KDM6A: variants seen among roughly 807,000 people sequenced by gnomAD.
KDM6A encodes lysine demethylase 6A, also known as lysine-specific demethylase 6A.
A neutral mutation model predicts 117.6 loss-of-function variants in KDM6A; 11 were observed. The ratio of observed to expected loss-of-function variants is 0.09; its 90% CI spans 0.06 to 0.15. KDM6A has a LOEUF of 0.15. KDM6A is among the 10% of genes least tolerant of loss of function. The probability of loss-of-function intolerance (pLI) is 1.00; values close to 1 mark genes in which losing one functional copy is unlikely to be tolerated. For synonymous variants in KDM6A, 384 were observed against 396.1 expected, an observed-to-expected ratio of 0.97 and a Z score of 0.36; for missense variants, 799 against 1,077.3, an observed-to-expected ratio of 0.74 and a Z score of 3.62.
At chrX:44,958,604 CTTTTTTTTTTTTT>C (rs34006049) in intron 2 of KDM6A, among the ~76,000 whole-genome samples, 6 of 56,441 alleles carry the variant, frequency 1.1e-4, no homozygotes, top group Non-Finnish European at 1.4e-4. Flanking sequence ...CTATATAGAC[CTTTTTTTTTTTTT>C]TTTTTTTTTT....
chrX:45,091,179 T>G (rs752075115), intron 27 of KDM6A, among the ~76,000 whole-genome samples: 19 of 111,392 alleles, frequency 1.7e-4, no homozygotes, highest in Non-Finnish European at 3.4e-4. Context: ...ATTAATAACT[T>G]GAGGGGAAAA....
At chrX:44,925,464 G>T (rs770667924) in intron 2 of KDM6A, among the ~76,000 whole-genome samples, 9 of 111,591 alleles carry the variant, frequency 8.1e-5, no homozygotes, top group Admixed American at 5.8e-4. Flanking sequence ...ATGTGGCTGG[G>T]TAAATCTGGT....
rs184629243 is a variant in KDM6A at position 45,044,657 on chromosome X, T to A, written c.654+6968T>A. On this transcript the variant is annotated intron_variant, in intron 8 of 29. Coordinates refer to ENST00000611820, the MANE Select transcript of KDM6A (RefSeq NM_001291415.2). ...TATTCAAATGATAGCCAATAATGTA[T>A]GTTCTCTTCTGACCTTGCTTTAAAT... 9.8e-5 allele frequency among the ~76,000 whole-genome samples: 11 copies of A among 112,033 alleles called. No homozygotes were observed. The East Asian group carries it at 3.1e-3, about 31-fold the overall frequency.
chrX:44,925,276 A>G (rs1244231647), intron 2 of KDM6A, among the ~76,000 whole-genome samples: 1 of 111,332 alleles, frequency 9.0e-6, no homozygotes, highest in African/African-American at 3.3e-5. Context: ...TCTGGGAAAC[A>G]GCACTTCTGC....
chrX:45,022,220 C>T lies in KDM6A; in HGVS notation c.564+1490C>T, dbSNP rs759800835. ...CAAAATTCCATTTAAATGAAAGTGGCGATATTTAAAATCTCCTTTAATCAA... is the reference window on the plus strand; with the variant it reads ...CAAAATTCCATTTAAATGAAAGTGGTGATATTTAAAATCTCCTTTAATCAA... On this transcript the variant is annotated intron_variant, in intron 6 of 29. Transcript: ENST00000611820. Among the ~76,000 whole-genome samples, 8 of 111,917 alleles carry T rather than the reference C, an allele frequency of 7.1e-5. No homozygotes were observed. The South Asian group carries it at 1.5e-3, about 21-fold the overall frequency.
At chrX:45,048,177 A>C (rs1010242051) in intron 8 of KDM6A, among the ~76,000 whole-genome samples, 3 of 108,213 alleles carry the variant, frequency 2.8e-5, no homozygotes, top group Admixed American at 2.0e-4. Context: ...AAAAAAAAAA[A>C]AAACTACAAA....
At chrX:45,001,392 C>G (rs1421095472) in intron 4 of KDM6A, among the ~76,000 whole-genome samples, 3 of 111,682 alleles carry the variant, frequency 2.7e-5, no homozygotes, top group African/African-American at 9.8e-5. Context: ...TTCTTTAGTG[C>G]TCCACAGAAT....
In KDM6A at chrX:45,051,757, G is replaced by C; in HGVS notation, c.703G>C (p.Glu235Gln). 5 of 1,191,949 alleles carry C rather than the reference G, an allele frequency of 4.2e-6. No individual in the cohort carries two copies. The highest frequency in any genetic ancestry group is 5.7e-6 in the Non-Finnish European group (5 of 879,190). ...KEAYEQLLQT[E>Q]NLSAQVKATV... Reference sequence around the variant, plus strand: ...AGCTTATGAACAACTTTTGCAGACAGAGAATCTTTCTGCACAAGTAAAAGC... The same window carrying C: ...AGCTTATGAACAACTTTTGCAGACACAGAATCTTTCTGCACAAGTAAAAGC... The change falls in exon 9 of 30, where the codon GAG (glutamate) becomes CAG (glutamine). Residue 235 changes from glutamate to glutamine, a missense_variant. This residue lies in a region of KDM6A where 63 missense variants were observed against 68.2 expected (regional missense o/e 0.92). Transcript: ENST00000611820.
chrX:45,087,467 C>T (rs547446766), intron 25 of KDM6A, among the ~76,000 whole-genome samples: 1 of 112,517 alleles, frequency 8.9e-6, no homozygotes, highest in African/African-American at 3.2e-5. Context: ...TGGTTTCCTT[C>T]AATGTAAGAA....
intron 5 of KDM6A, among the ~76,000 whole-genome samples, chrX:45,011,854 C>A (rs1043624081): frequency 9.2e-6 from 1 of 108,775 alleles, no homozygotes; most frequent in African/African-American, 3.4e-5. Context: ...GGCGAGATTG[C>A]AGCTTACTGC....
chrX:45,076,947 A>T, intron 19 of KDM6A, 121 bp downstream of exon 19: 2 of 565,695 alleles, frequency 3.5e-6, no homozygotes, highest in Non-Finnish European at 2.8e-6. Context: ...AGCAGATTAA[A>T]TAGTTTGGGG....
intron 2 of KDM6A, 116 bp from the exon 3 acceptor site, chrX:44,961,168 A>G (rs900351523): frequency 6.0e-6 from 3 of 496,492 alleles, no homozygotes; most frequent in Non-Finnish European, 1.0e-5. Flanking sequence ...TAGAAGTGAA[A>G]TTTTCAATAT....
At chrX:44,977,478 C>CA (rs2147278629) in intron 4 of KDM6A, among the ~76,000 whole-genome samples, 1 of 111,100 alleles carries the variant, frequency 9.0e-6, no homozygotes, top group African/African-American at 3.3e-5. Flanking sequence ...AGGCTGGTCT[C>CA]AAACTCAATC....
Position 45,006,687 on chromosome X carries a change from C to T in KDM6A, c.385-4274C>T, listed in dbSNP as rs146875555. Among the ~76,000 whole-genome samples the T allele has an allele frequency of 6.7e-3, 730 of 108,945 alleles. 5 individuals carry two copies. Among genetic ancestry groups the T allele is most frequent in the African/African-American group, 0.023 (646 of 28,701 alleles). The allele number at this position is 108,945 out of a possible 115,157, so 94.6% of individuals were successfully genotyped here. A position where few individuals can be genotyped will look rare whatever the true frequency, so the allele number is the denominator to read the frequency against. ...AATGAGTCAGGGTGGAGCAGGTAAT[C>T]GAAAAAGGTTGCTTTGTGAGGAAGT... On this transcript the variant is annotated intron_variant, in intron 4 of 29. Transcript: ENST00000611820.
intron 6 of KDM6A, among the ~76,000 whole-genome samples, chrX:45,029,433 A>G (rs1016961726): frequency 9.1e-6 from 1 of 109,447 alleles, no homozygotes; most frequent in African/African-American, 3.3e-5. Context: ...AACCCCATCT[A>G]ATAAATAAAT....
At position 44,971,178 on chromosome X, in the gene KDM6A, T is replaced by C. The variant is rs1212501005; in HGVS notation, c.335-3488T>C. On this transcript the variant is annotated intron_variant, in intron 3 of 29. Coordinates refer to ENST00000611820, the MANE Select transcript of KDM6A (RefSeq NM_001291415.2). ...TTTGATAAATTTGGTTTGCTTTTCT[T>C]TTTAGAAGACCATTAATTAATGACC... Among the ~76,000 whole-genome samples, 6 of 111,816 alleles carry C rather than the reference T, an allele frequency of 5.4e-5. No homozygotes were observed. The Admixed American group carries it at 5.7e-4, about 11-fold the overall frequency.
chrX:44,960,399 G>A (rs975451755), intron 2 of KDM6A, among the ~76,000 whole-genome samples: 2 of 111,653 alleles, frequency 1.8e-5, no homozygotes, highest in African/African-American at 6.5e-5. Flanking sequence ...GTTATTACCC[G>A]TGAAGATAAA....
chrX:45,038,250 T>C (rs1219720772), intron 8 of KDM6A, among the ~76,000 whole-genome samples: 3 of 111,641 alleles, frequency 2.7e-5, no homozygotes. Context: ...CTGAACTTGA[T>C]GTAGATCATT....
intron 2 of KDM6A, among the ~76,000 whole-genome samples, chrX:44,879,196 T>C (rs753949990): frequency 2.0e-4 from 22 of 112,433 alleles, no homozygotes; most frequent in African/African-American, 6.8e-4. Flanking sequence ...ATAGTACCAA[T>C]ATTCTGCATC....
Sources: allele counts gnomAD v4.1 joint callset (sites outside exome capture counted in the v4.1 genomes callset), GRCh38; gene constraint gnomAD v4.1.1; regional missense constraint gnomAD v4.1.1; transcripts MANE v1.5; gene names NCBI Gene and HGNC (gene_info 2026-07-23, HGNC 2026-07-21).